The following HYI variants were observed in gnomAD, a reference collection of about 807,000 sequenced individuals.
The protein encoded by HYI is putative hydroxypyruvate isomerase.
In HYI, 47 loss-of-function variants were observed where a neutral mutation model predicts 39.7. That is an observed-to-expected ratio of 1.18 (90% CI 0.94 to 1.51). The LOEUF (loss-of-function observed/expected upper bound fraction) is 1.51. Ranked by LOEUF, HYI falls within the 40% of genes most tolerant of loss-of-function variation. The pLI, the probability that HYI is intolerant of heterozygous loss-of-function variation, is 0.00. For synonymous variants in HYI, 186 were observed against 158.8 expected, an observed-to-expected ratio of 1.17 and a Z score of -1.29; for missense variants, 465 against 370.3, an observed-to-expected ratio of 1.26 and a Z score of -2.10.
At chr1:43,452,724 A>G in intron 2 of HYI, 2 of 636,670 alleles carry the variant, frequency 3.1e-6, no homozygotes, top group Non-Finnish European at 5.5e-6. Flanking sequence ...TGCCCCCACC[A>G]TTGACCAGTA....
chr1:43,453,769 T>A lies in HYI; in HGVS notation c.25A>T (p.Asn9Tyr). The change falls in exon 1 of 8, where the codon AAT (asparagine) becomes TAT (tyrosine). Residue 9 changes from asparagine to tyrosine, a missense_variant. Asn to Tyr is a moderately radical substitution (Grantham distance 143). Coordinates refer to ENST00000372430, the MANE Select transcript of HYI (RefSeq NM_001190880.3). ...AGCTCGGGGAATAGCCAGGACAGATTGGCGGAGAAGCGCAGCGGCGCCATG... is the reference window on the plus strand; with the variant it reads ...AGCTCGGGGAATAGCCAGGACAGATAGGCGGAGAAGCGCAGCGGCGCCATG... Reference protein sequence around the residue: MAPLRFSANLSWLFPELSG... With the variant: MAPLRFSAYLSWLFPELSG... 2.3e-6 allele frequency: 3 copies of A among 1,297,536 alleles called. No individual in the cohort carries two copies. Among genetic ancestry groups the A allele is most frequent in the Non-Finnish European group, 2.9e-6 (3 of 1,026,852 alleles). 80.4% of individuals were successfully genotyped at this position (1,297,536 alleles called of 1,614,324 possible).
At chr1:43,452,971 A>G in intron 2 of HYI, 1 of 1,608,480 alleles carries the variant, frequency 6.2e-7, no homozygotes, top group Non-Finnish European at 8.5e-7. Context: ...TGCAAGGAAC[A>G]CTCAACTTCC....
chr1:43,451,237 C>T lies in HYI; in HGVS notation c.*1G>A, dbSNP rs1656362987. 1 of 1,613,972 alleles carries T rather than the reference C, an allele frequency of 6.2e-7. No individual in the cohort carries two copies. Among genetic ancestry groups the T allele is most frequent in the South Asian group, 1.1e-5 (1 of 91,090 alleles). ...GAGGCACGTGGGTGGTGTGCGGGCCCTCACTGGCCAGCCTCTGGGTGGCCC... is the reference window on the plus strand; with the variant it reads ...GAGGCACGTGGGTGGTGTGCGGGCCTTCACTGGCCAGCCTCTGGGTGGCCC... On this transcript the variant is annotated 3_prime_UTR_variant, in exon 8 of 8. Coordinates refer to ENST00000372430, the MANE Select transcript of HYI (RefSeq NM_001190880.3).
intron 2 of HYI, 40 bp from the exon 3 acceptor site, chr1:43,452,359 T>G (rs1446133329): frequency 4.0e-6 from 6 of 1,496,060 alleles, no homozygotes; most frequent in Admixed American, 1.7e-5. Flanking sequence ...CTCCCTTGGC[T>G]CTCTCTGCAC....
rs1011305606 is a variant in HYI, at chr1:43,451,402, C to T, written c.760+8G>A. 6.8e-6 allele frequency: 11 copies of T among 1,612,146 alleles called. No homozygotes were observed. The highest frequency in any genetic ancestry group is 5.0e-5 in the Admixed American group (3 of 60,012). On this transcript the variant is annotated splice_region_variant and intron_variant, in intron 7 of 7. Coordinates refer to ENST00000372430, the MANE Select transcript of HYI (RefSeq NM_001190880.3). ...TCCAGAGCTCCCTTCCCCAGGGCCA[C>T]GCCTCACCTCGAGGCTGATACTCAC...
At position 43,453,443 on chromosome 1, in the gene HYI, G is replaced by A. The variant is rs906855183; in HGVS notation, c.254C>T (p.Ala85Val). The part of the protein sequence containing the change: ...GLGAVPGRQA[A>V]FREGLEQAVR... ...GGCCTGCTCCAGTCCCTCTCGGAAGGCCGCCTGTCTCCCGGGGACGGCCCC... is the reference window on the plus strand; with the variant it reads ...GGCCTGCTCCAGTCCCTCTCGGAAGACCGCCTGTCTCCCGGGGACGGCCCC... Residue 85 changes from alanine (A) to valine (V), a missense_variant, in exon 2 of 8, where the codon GCC becomes GTC. Physicochemically the swap from Ala to Val is moderately conservative, Grantham distance 64 (BLOSUM62 0). Coordinates refer to ENST00000372430, the MANE Select transcript of HYI (RefSeq NM_001190880.3). The A allele has an allele frequency of 1.3e-6, 2 of 1,564,020 alleles. No homozygotes were observed. Among genetic ancestry groups the A allele is most frequent in the African/African-American group, 1.4e-5 (1 of 73,366 alleles).
Position 43,453,761 on chromosome 1 carries a change from G to A in HYI, c.33C>T (p.Ser11=), listed in dbSNP as rs1282581932. 18 of 1,315,696 alleles carry A rather than the reference G, an allele frequency of 1.4e-5. No individual in the cohort carries two copies. The highest frequency in any genetic ancestry group is 1.7e-5 in the Non-Finnish European group (18 of 1,038,422). 81.5% of individuals were successfully genotyped at this position (1,315,696 alleles called of 1,614,324 possible). The change falls in exon 1 of 8, where the codon TCC becomes TCT. Residue 11 remains serine, a synonymous_variant. Transcript: ENST00000372430. MAPLRFSANL[S]WLFPELSGLP... is the part of the protein sequence containing the mutation. ...GGCCGGAGAGCTCGGGGAATAGCCA[G>A]GACAGATTGGCGGAGAAGCGCAGCG...
chr1:43,453,341 C>T (rs1210651829), intron 2 of HYI, 45 bp downstream of exon 2: 1 of 1,281,656 alleles, frequency 7.8e-7, no homozygotes, highest in African/African-American at 1.7e-5. Context: ...GAACCTGCAT[C>T]AGGGTCATGG....
downstream of HYI, chr1:43,450,969 T>TG (rs780772348): frequency 5.2e-6 from 4 of 762,546 alleles, no homozygotes; most frequent in Non-Finnish European, 7.2e-6. This position sits in a 1 kb window ranked among gnomAD's most constrained non-coding sequence, Gnocchi z 4.3. Flanking sequence ...TTGAAGCACT[T>TG]GTGGCCACCG....
chr1:43,451,415 G>A lies in HYI; in HGVS notation c.755C>T (p.Pro252Leu), dbSNP rs573479000. 2 of 1,612,772 alleles carry A rather than the reference G, an allele frequency of 1.2e-6. No homozygotes were observed. Among genetic ancestry groups the A allele is most frequent in the African/African-American group, 2.7e-5 (2 of 75,064 alleles). Residue 252 changes from proline (P) to leucine (L), a missense_variant, in exon 7 of 8, where the codon CCT becomes CTT. By Grantham distance (98) the Pro-to-Leu change is moderately conservative. Coordinates refer to ENST00000372430, the MANE Select transcript of HYI (RefSeq NM_001190880.3). ...TCCCCAGGGCCACGCCTCACCTCGA[G>A]GCTGATACTCACAGCCCACGAAGCC... ...YKGFVGCEYQ[P>L]RGDTVEGLSW... is the part of the protein sequence containing the mutation.
rs1363490111 is a variant in HYI at position 43,453,674 on chromosome 1, CG to C, written c.119del (p.Pro40ArgfsTer22). The C allele has an allele frequency of 6.8e-7, 1 of 1,470,570 alleles. No homozygotes were observed. Among genetic ancestry groups the C allele is most frequent in the Non-Finnish European group, 8.9e-7 (1 of 1,119,588 alleles). 91.1% of individuals were successfully genotyped at this position (1,470,570 alleles called of 1,614,324 possible). A position where few individuals can be genotyped will look rare whatever the true frequency, so the allele number is the denominator to read the frequency against. On this transcript the variant is annotated frameshift_variant, in exon 1 of 8. Transcript: ENST00000372430. LOFTEE classifies it high-confidence loss of function. ...SGFEAVEVAWPYAETPEALAR... is the reference protein window; with the variant it reads ...SGFEAVEVAWXYAETPEALAR... ...CCAGCGCCTCAGGCGTCTCCGCGTA[CG>C]GCCAGGCCACCTCGACGGCCTCGAA...
At chr1:43,452,397 G>T in intron 2 of HYI, 78 bp from the exon 3 acceptor site, 2 of 1,170,678 alleles carry the variant, frequency 1.7e-6, no homozygotes, top group Non-Finnish European at 2.5e-6. Context: ...GACTGTGCCA[G>T]CCCTCGTCCG....
In HYI at chr1:43,453,833, AAGGCGGC is replaced by A. The variant is rs1656747611; in HGVS notation, c.-47_-41del. On this transcript the variant is annotated 5_prime_UTR_variant, in exon 1 of 8. Coordinates refer to ENST00000372430, the MANE Select transcript of HYI (RefSeq NM_001190880.3). ...GGCCGGGCGGAGTCCGCGGGATCCA[AAGGCGGC>A]GGGCGGCGGGCGGCGGGCGGCGGGC... is the stretch of plus-strand genomic sequence containing the variant. 1.7e-6 allele frequency: 2 copies of A among 1,201,972 alleles called. No homozygotes were observed. Among genetic ancestry groups the A allele is most frequent in the Admixed American group, 8.7e-5 (2 of 22,938 alleles). 74.5% of individuals were successfully genotyped at this position (1,201,972 alleles called of 1,614,324 possible).
intron 2 of HYI, chr1:43,452,866 G>A (rs938067486): frequency 4.5e-6 from 7 of 1,567,810 alleles, no homozygotes; most frequent in Admixed American, 1.9e-5. Context: ...GCTCCAAGCA[G>A]ACATTCCAGG....
chr1:43,453,641 G>C lies in HYI; in HGVS notation c.153C>G (p.Ala51=). ...CAAGCCGCAGCCCCGCTTCTCGCGC[G>C]GCGCGCGCCAGCGCCTCAGGCGTCT... is the stretch of plus-strand genomic sequence containing the variant. ...YAETPEALAR[A]AREAGLRLVL... is the part of the protein sequence containing the mutation. Residue 51 remains alanine, a synonymous_variant, in exon 1 of 8, where the codon GCC becomes GCG. Transcript: ENST00000372430. The C allele has an allele frequency of 6.7e-7, 1 of 1,491,924 alleles. No individual in the cohort carries two copies. Among genetic ancestry groups the C allele is most frequent in the Non-Finnish European group, 8.9e-7 (1 of 1,127,692 alleles). The allele number at this position is 1,491,924 out of a possible 1,614,324, so 92.4% of individuals were successfully genotyped here.
In HYI at chr1:43,453,642, G is replaced by T; in HGVS notation, c.152C>A (p.Ala51Asp). The change falls in exon 1 of 8, where the codon GCC becomes GAC. Residue 51 changes from alanine to aspartate, a missense_variant. Transcript: ENST00000372430. ...YAETPEALAR[A>D]AREAGLRLVL... ...AAGCCGCAGCCCCGCTTCTCGCGCG[G>T]CGCGCGCCAGCGCCTCAGGCGTCTC... The T allele has an allele frequency of 6.7e-7, 1 of 1,490,340 alleles. No homozygotes were observed. 92.3% of individuals were successfully genotyped at this position (1,490,340 alleles called of 1,614,324 possible). A position where few individuals can be genotyped will look rare whatever the true frequency, so the allele number is the denominator to read the frequency against.
At chr1:43,450,689 C>T (rs1205922432), downstream of HYI, 2 of 756,322 alleles carry the variant, frequency 2.6e-6, no homozygotes, top group Non-Finnish European at 4.4e-6. This position sits in a 1 kb window ranked among gnomAD's most constrained non-coding sequence, Gnocchi z 4.3. Flanking sequence ...AGCCACTGAC[C>T]CATCCAGGAC....
rs1289159640 is a variant in HYI, at chr1:43,453,483, CCTTCT to C, written c.209_213del (p.Glu70GlyfsTer46). ...GGGACGGCCCCCAGCCCCATTTCCCCCTTCTCTTGGTCTCCTGCAGAGAGAACGGG... is the reference window on the plus strand; with the variant it reads ...GGGACGGCCCCCAGCCCCATTTCCCCCTTGGTCTCCTGCAGAGAGAACGGG... On this transcript the variant is annotated frameshift_variant, in exon 2 of 8. Coordinates refer to ENST00000372430, the MANE Select transcript of HYI (RefSeq NM_001190880.3). LOFTEE classifies it high-confidence loss of function. 2 of 1,558,388 alleles carry C rather than the reference CCTTCT, an allele frequency of 1.3e-6. No individual in the cohort carries two copies. Among genetic ancestry groups the C allele is most frequent in the African/African-American group, 1.4e-5 (1 of 73,328 alleles).
At chr1:43,452,386 T>C (rs1447263223) in intron 2 of HYI, 67 bp from the exon 3 acceptor site, 12 of 1,299,272 alleles carry the variant, frequency 9.2e-6, no homozygotes, top group South Asian at 2.5e-5. Flanking sequence ...CAGGATTCCC[T>C]GACTGTGCCA....
Sources: gnomAD v4.1 joint callset for allele counts on GRCh38, gnomAD v4.1.1 for gene constraint, Gnocchi (gnomAD v3.1) non-coding constraint, MANE v1.5 for transcripts, NCBI Gene and HGNC (gene_info 2026-07-23, HGNC 2026-07-21) for gene names.